The following DPP6 variants were observed in gnomAD, a reference collection of about 807,000 sequenced individuals.
DPP6 encodes the protein A-type potassium channel modulatory protein DPP6.
Under a neutral mutation model 122.6 loss-of-function variants are expected in DPP6, and 69 were observed. The ratio of observed to expected loss-of-function variants is 0.56; its 90% CI spans 0.46 to 0.69. DPP6 has a LOEUF of 0.69. Ranked by LOEUF, DPP6 falls within the 30% of genes least tolerant of loss-of-function variation. The pLI is 0.00. For synonymous variants in DPP6, 418 were observed against 433.1 expected (o/e 0.97, Z 0.43); for missense variants, 928 against 1,116.9 (o/e 0.83, Z 2.41).
At chr7:154,266,057 C>A (rs1486910528) in intron 1 of DPP6, among the ~76,000 whole-genome samples, 2 of 152,148 alleles carry the variant, frequency 1.3e-5, no homozygotes, top group Non-Finnish European at 2.9e-5. Context: ...GACCTCCCAT[C>A]CCATGCTCCT....
intron 17 of DPP6, chr7:154,865,381 C>G (rs1430873570): frequency 6.6e-6 from 1 of 152,254 alleles, no homozygotes. Flanking sequence ...AGGGTTACAG[C>G]TGAGGCGTCG....
chr7:154,812,702 T>TG (rs931283120), intron 16 of DPP6, among the ~76,000 whole-genome samples: 34 of 152,232 alleles, frequency 2.2e-4, no homozygotes, highest in South Asian at 6.2e-4. Flanking sequence ...TGTATAAATG[T>TG]GGGGGGGACA....
At chr7:154,407,997 TAATAAAGTCCTTA>T (rs1416451038) in intron 1 of DPP6, among the ~76,000 whole-genome samples, 2 of 152,234 alleles carry the variant, frequency 1.3e-5, no homozygotes, top group Non-Finnish European at 2.9e-5. Flanking sequence ...TATCATGAGT[TAATAAAGTCCTTA>T]AAACCAACCT....
chr7:153,828,181 T>C, the DPP6 span, among the ~76,000 whole-genome samples: 1 of 152,162 alleles, frequency 6.6e-6, no homozygotes, highest in African/African-American at 2.4e-5. Flanking sequence ...CCACTTCCTC[T>C]GCAGTGCAGT....
At chr7:154,215,919 A>G (rs4507682) in intron 1 of DPP6, among the ~76,000 whole-genome samples, 10,151 of 152,118 alleles carry the variant, frequency 0.067, 698 homozygotes, top group African/African-American at 0.18. Context: ...CCAGCCAACC[A>G]AACAACAGCA....
chr7:154,356,150 T>G (rs903407282), intron 1 of DPP6, among the ~76,000 whole-genome samples: 3 of 152,216 alleles, frequency 2.0e-5, no homozygotes, highest in Non-Finnish European at 2.9e-5. Flanking sequence ...TAATTTCTAT[T>G]CTGTTCATTT....
intron 1 of DPP6, among the ~76,000 whole-genome samples, chr7:154,353,807 G>A (rs752034720): frequency 1.1e-4 from 17 of 152,298 alleles, no homozygotes; most frequent in Non-Finnish European, 4.4e-5. Flanking sequence ...AAAATGGCAG[G>A]CAAGTGTCTG....
At chr7:154,815,726 G>A (rs1271954279) in intron 16 of DPP6, among the ~76,000 whole-genome samples, 1 of 152,164 alleles carries the variant, frequency 6.6e-6, no homozygotes, top group Non-Finnish European at 1.5e-5. Context: ...GCTCTGAGTG[G>A]GAACGGGACA....
chr7:154,385,108 T>C (rs189869912), intron 1 of DPP6, among the ~76,000 whole-genome samples: 75 of 152,296 alleles, frequency 4.9e-4, no homozygotes, highest in Non-Finnish European at 8.8e-4. Context: ...TAGCTGGGAC[T>C]ACAGGTGCCC....
At chr7:153,920,060 T>C (rs1800557720) in intron 1 of DPP6, among the ~76,000 whole-genome samples, 2 of 152,234 alleles carry the variant, frequency 1.3e-5, no homozygotes, top group African/African-American at 2.4e-5. Flanking sequence ...ATGATTCAAA[T>C]GTACCTCATG....
At chr7:154,055,284 G>A (rs1166532119) in intron 1 of DPP6, among the ~76,000 whole-genome samples, 1 of 132,922 alleles carries the variant, frequency 7.5e-6, no homozygotes, top group Non-Finnish European at 1.6e-5. Context: ...CATGACACAG[G>A]CTGAATGTTG....
At chr7:153,919,876 G>A (rs930295614) in intron 1 of DPP6, among the ~76,000 whole-genome samples, 6 of 152,210 alleles carry the variant, frequency 3.9e-5, no homozygotes, top group African/African-American at 1.4e-4. Context: ...ACAAATGTGA[G>A]TTGCTTGTTC....
intron 21 of DPP6, among the ~76,000 whole-genome samples, chr7:154,881,707 G>C (rs1805402175): frequency 6.6e-6 from 1 of 152,198 alleles, no homozygotes; most frequent in South Asian, 2.1e-4. Context: ...CAAAACCTCA[G>C]AGCCCAGCAT....
At chr7:153,971,193 T>G (rs1196234468) in intron 1 of DPP6, among the ~76,000 whole-genome samples, 1 of 152,200 alleles carries the variant, frequency 6.6e-6, no homozygotes, top group Non-Finnish European at 1.5e-5. Flanking sequence ...TTTTTAAGAT[T>G]ATTCAAAATG....
At chr7:154,386,363 G>A (rs989842069) in intron 1 of DPP6, among the ~76,000 whole-genome samples, 2 of 151,776 alleles carry the variant, frequency 1.3e-5, no homozygotes, top group African/African-American at 4.8e-5. Flanking sequence ...CACTTGGATC[G>A]AGAACATTCA....
chr7:153,890,775 C>A (rs1390132294), intron 1 of DPP6, among the ~76,000 whole-genome samples: 1 of 144,780 alleles, frequency 6.9e-6, no homozygotes, highest in African/African-American at 2.6e-5. Context: ...TCAGTTCACT[C>A]CTCCCCCAGG....
intron 6 of DPP6, among the ~76,000 whole-genome samples, chr7:154,668,091 T>C (rs1838277911): frequency 1.3e-5 from 2 of 149,128 alleles, no homozygotes; most frequent in African/African-American, 4.9e-5. Context: ...CTGCCTCATC[T>C]CCTTTGTTCA....
rs561900993 is a variant in DPP6 at position 154,403,795 on chromosome 7, G to A, written c.244-42419G>A. The stretch of plus-strand genomic sequence containing the variant: ...CTGGTCTTTTGGTTCTCAATACCTC[G>A]GGGTGTAAAGGACAGCTCTTTATTT... On this transcript the variant is annotated intron_variant, in intron 1 of 25. Coordinates refer to ENST00000377770, the MANE Select transcript of DPP6 (RefSeq NM_130797.4). This position sits in a 1 kb window ranked among gnomAD's most constrained non-coding sequence, Gnocchi z 4.1. 8.1e-4 allele frequency among the ~76,000 whole-genome samples: 124 copies of A among 152,268 alleles called. 1 individual carries two copies. Among genetic ancestry groups the A allele is most frequent in the African/African-American group, 2.8e-3 (118 of 41,558 alleles).
chr7:154,186,346 G>T (rs1204248764), intron 1 of DPP6, among the ~76,000 whole-genome samples: 1 of 152,228 alleles, frequency 6.6e-6, no homozygotes, highest in African/African-American at 2.4e-5. Context: ...GTCACTTGTA[G>T]ATATGGTGAT....
Sources: gnomAD v4.1 joint callset for allele counts (sites outside exome capture counted in the v4.1 genomes callset) on GRCh38, gnomAD v4.1.1 for gene constraint, Gnocchi (gnomAD v3.1) non-coding constraint, MANE v1.5 for transcripts, NCBI Gene and HGNC (gene_info 2026-07-23, HGNC 2026-07-21) for gene names.